Variants in CRYBG3 observed in about 807,000 individuals in gnomAD.
CRYBG3 encodes the protein very large A-kinase anchor protein.
CRYBG3 carries 127 observed loss-of-function variants against 244.2 expected under a neutral mutation model. The ratio of observed to expected loss-of-function variants is 0.52; its 90% CI spans 0.45 to 0.60. The LOEUF (loss-of-function observed/expected upper bound fraction) is 0.60, where lower values mean the gene tolerates loss of function less well. Ranked by LOEUF, CRYBG3 falls within the 20% of genes least tolerant of loss-of-function variation. The pLI is 0.00. For missense variants in CRYBG3, 3,325 were observed against 3,442.5 expected (o/e 0.97, Z 0.85); for synonymous variants, 1,132 against 1,195.8 (o/e 0.95, Z 1.10).
Position 97,877,133 on chromosome 3 carries a change from G to T in CRYBG3, c.5939G>T (p.Ser1980Ile). ...IYDKRRETDY[S>I]DKGYNLAFVS... ...GACAAGAGGAGAGAGACAGATTATA[G>T]TGACAAAGGATATAATTTAGCTTTT... is the stretch of plus-strand genomic sequence containing the variant. The change falls in exon 4 of 22, where the codon AGT becomes ATT. Residue 1980 changes from serine (S) to isoleucine (I), a missense_variant. Transcript: ENST00000389622. 6.2e-7 allele frequency: 1 copy of T among 1,613,968 alleles called. No individual in the cohort carries two copies. The highest frequency in any genetic ancestry group is 8.5e-7 in the Non-Finnish European group (1 of 1,179,890).
At position 97,872,414 on chromosome 3, in the gene CRYBG3, C is replaced by G. The variant is rs142470903; in HGVS notation, c.1220C>G (p.Thr407Arg). The change falls in exon 4 of 22, where the codon ACG becomes AGG. Residue 407 changes from threonine to arginine, a missense_variant. Around this residue, in one of 4 missense-constraint regions of CRYBG3, gnomAD observed 1,526 missense variants for 1,443.2 expected, o/e 1.06. Coordinates refer to ENST00000389622, the MANE Select transcript of CRYBG3 (RefSeq NM_153605.4). The stretch of plus-strand genomic sequence containing the variant: ...CAGAGAGTAACTACAACAGAAAATA[C>G]GATAAAAGAAAACAGCACTGTGATG... ...DFQRVTTTEN[T>R]IKENSTVMSN... The G allele has an allele frequency of 5.2e-6, 8 of 1,535,474 alleles. No homozygotes were observed. Among genetic ancestry groups the G allele is most frequent in the Non-Finnish European group, 7.0e-6 (8 of 1,146,690 alleles).
At chr3:97,841,172 A>G (rs2038807136) in intron 1 of CRYBG3, among the ~76,000 whole-genome samples, 2 of 151,000 alleles carry the variant, frequency 1.3e-5, no homozygotes, top group African/African-American at 4.9e-5. Context: ...TTATGTGTTT[A>G]ACACACAGCT....
At chr3:97,912,386 C>G (rs1329520559) in intron 16 of CRYBG3, 110 bp downstream of exon 16, 1 of 501,644 alleles carries the variant, frequency 2.0e-6, no homozygotes, top group Non-Finnish European at 3.5e-6. Flanking sequence ...TTATCTTCAA[C>G]AGGCATTTTA....
At chr3:97,914,118 A>G (rs1044625900) in intron 16 of CRYBG3, among the ~76,000 whole-genome samples, 2 of 151,952 alleles carry the variant, frequency 1.3e-5, no homozygotes, top group African/African-American at 4.8e-5. Context: ...TCCTTCTCCT[A>G]TTTCCTATAG....
At chr3:97,894,697 AT>A (rs1259796463) in intron 11 of CRYBG3, among the ~76,000 whole-genome samples, 3 of 151,840 alleles carry the variant, frequency 2.0e-5, no homozygotes, top group Non-Finnish European at 4.4e-5. Context: ...TATACCTTTT[AT>A]TTTTTTTCCC....
At chr3:97,927,412 A>G (rs1264460914) in intron 17 of CRYBG3, among the ~76,000 whole-genome samples, 1 of 151,976 alleles carries the variant, frequency 6.6e-6, no homozygotes, top group African/African-American at 2.4e-5. Context: ...TTTGCAAAAA[A>G]TAACTCAAGA....
intron 2 of CRYBG3, among the ~76,000 whole-genome samples, chr3:97,850,519 A>T (rs1217712532): frequency 6.6e-6 from 1 of 152,226 alleles, no homozygotes. Flanking sequence ...ATTACATCCT[A>T]GAACTGATCA....
intron 15 of CRYBG3, among the ~76,000 whole-genome samples, chr3:97,908,058 T>C (rs1175040694): frequency 6.6e-6 from 1 of 152,242 alleles, no homozygotes; most frequent in Non-Finnish European, 1.5e-5. Context: ...TGAGAGGTTT[T>C]GAGTGAGATT....
At position 97,874,951 on chromosome 3, in the gene CRYBG3, C is replaced by G. The variant is rs1338295401; in HGVS notation, c.3757C>G (p.Leu1253Val). 3 of 1,535,890 alleles carry G rather than the reference C, an allele frequency of 2.0e-6. No homozygotes were observed. Among genetic ancestry groups the G allele is most frequent in the Middle Eastern group, 1.7e-4 (1 of 5,988 alleles). The change falls in exon 4 of 22, where the codon CTA becomes GTA. Residue 1253 changes from leucine to valine, a missense_variant. Leu to Val is a conservative substitution (Grantham distance 32, BLOSUM62 1). This residue lies in a region of CRYBG3 where 635 missense variants were observed against 771.7 expected (regional missense o/e 0.82). Coordinates refer to ENST00000389622, the MANE Select transcript of CRYBG3 (RefSeq NM_153605.4). ...TGAGAAAAACCCATCAGAAGTGACA[C>G]TAACAGAAATACAACAGACAGAGGG... ...ISEKNPSEVTLTEIQQTEGLE... is the reference protein window; with the variant it reads ...ISEKNPSEVTVTEIQQTEGLE...
At chr3:97,912,655 G>A (rs2039885624) in intron 16 of CRYBG3, among the ~76,000 whole-genome samples, 1 of 152,054 alleles carries the variant, frequency 6.6e-6, no homozygotes, top group Non-Finnish European at 1.5e-5. Context: ...TTTTAACAAA[G>A]TATTTATCAT....
rs1343671659 is a variant in CRYBG3, at chr3:97,873,651, T to C, written c.2457T>C (p.Asp819=). The C allele has an allele frequency of 6.5e-7, 1 of 1,534,804 alleles. No individual in the cohort carries two copies. The highest frequency in any genetic ancestry group is 1.2e-5 in the South Asian group (1 of 83,754). Reference sequence around the variant, plus strand: ...ACATTGTATCAAAAGCTGAAATTGATGGTCAGAACAATGTTCTTGTGGAGT... The same window carrying C: ...ACATTGTATCAAAAGCTGAAATTGACGGTCAGAACAATGTTCTTGTGGAGT... The part of the protein sequence containing the change: ...TANIVSKAEI[D]GQNNVLVESH... Residue 819 remains aspartate, a synonymous_variant, in exon 4 of 22, where the codon GAT becomes GAC. Coordinates refer to ENST00000389622, the MANE Select transcript of CRYBG3 (RefSeq NM_153605.4).
chr3:97,880,217 G>A (rs755849825), intron 6 of CRYBG3, 117 bp downstream of exon 6: 67 of 570,634 alleles, frequency 1.2e-4, no homozygotes, highest in Non-Finnish European at 1.8e-4. Context: ...TCTACTTTTC[G>A]ACAGAAGATT....
intron 2 of CRYBG3, among the ~76,000 whole-genome samples, chr3:97,857,737 T>C (rs2039087014): frequency 6.6e-6 from 1 of 152,124 alleles, no homozygotes; most frequent in African/African-American, 2.4e-5. Flanking sequence ...TTCTTTTAGG[T>C]AGCATATAGT....
At chr3:97,850,992 C>T (rs566885683) in intron 2 of CRYBG3, among the ~76,000 whole-genome samples, 2 of 151,988 alleles carry the variant, frequency 1.3e-5, no homozygotes, top group Admixed American at 6.6e-5. Context: ...ATTAGTTGGG[C>T]ATGATGGGCG....
In CRYBG3 at chr3:97,875,897, T is replaced by C. The variant is rs2039365295; in HGVS notation, c.4703T>C (p.Ile1568Thr). The part of the protein sequence containing the change: ...ILKYEAVPPM[I>T]EMGRIHKMDA... ...AAATATGAGGCAGTCCCTCCTATGA[T>C]AGAAATGGGAAGAATACATAAAATG... Residue 1568 changes from isoleucine to threonine, a missense_variant, in exon 4 of 22, where the codon ATA becomes ACA. Coordinates refer to ENST00000389622, the MANE Select transcript of CRYBG3 (RefSeq NM_153605.4). 4.1e-6 allele frequency: 5 copies of C among 1,231,788 alleles called. No individual in the cohort carries two copies. Among genetic ancestry groups the C allele is most frequent in the Non-Finnish European group, 5.1e-6 (5 of 987,868 alleles). 76.3% of individuals were successfully genotyped at this position (1,231,788 alleles called of 1,614,324 possible). A position where few individuals can be genotyped will look rare whatever the true frequency, so the allele number is the denominator to read the frequency against.
chr3:97,834,437 T>A (rs1313988441), intron 1 of CRYBG3, among the ~76,000 whole-genome samples: 2 of 152,184 alleles, frequency 1.3e-5, no homozygotes, highest in Non-Finnish European at 1.5e-5. Flanking sequence ...TTACCTTTCA[T>A]ATTAAAATGT....
intron 1 of CRYBG3, among the ~76,000 whole-genome samples, chr3:97,826,100 C>G (rs1031148529): frequency 2.0e-5 from 3 of 152,132 alleles, no homozygotes; most frequent in Non-Finnish European, 4.4e-5. Context: ...TTGTGAGAAT[C>G]TTGTCCCCCT....
Position 97,912,272 on chromosome 3 carries a change from G to C in CRYBG3, c.8110G>C (p.Gly2704Arg). The change falls in exon 16 of 22, where the codon GGT (glycine) becomes CGT (arginine). Residue 2704 changes from glycine to arginine, a missense_variant. Transcript: ENST00000389622. ...GCCATGTTCTTTTAAAGTTCTTCGA[G>C]GTTGGTAAGTATGCTTACTTAGTGG... ...LMPCSFKVLR[G>R]CWLLYYQEDM... 1 of 1,563,008 alleles carries C rather than the reference G, an allele frequency of 6.4e-7. No homozygotes were observed. The highest frequency in any genetic ancestry group is 8.8e-7 in the Non-Finnish European group (1 of 1,141,616).
intron 3 of CRYBG3, among the ~76,000 whole-genome samples, chr3:97,871,462 C>T (rs1251216944): frequency 1.3e-5 from 2 of 152,064 alleles, no homozygotes; most frequent in Admixed American, 1.3e-4. Context: ...AGTGATGTAT[C>T]CCTAAACTCG....
Sources: allele counts gnomAD v4.1 joint callset (sites outside exome capture counted in the v4.1 genomes callset), GRCh38; gene constraint gnomAD v4.1.1; regional missense constraint gnomAD v4.1.1; transcripts MANE v1.5; gene names NCBI Gene and HGNC (gene_info 2026-07-23, HGNC 2026-07-21).